Variants in TRAM2 observed in about 807,000 individuals in gnomAD.
The protein encoded by TRAM2 is translocation associated membrane protein 2, also known as translocating chain-associated membrane protein 2.
TRAM2 carries 12 observed loss-of-function variants against 51.0 expected under a neutral mutation model. That is an observed-to-expected ratio of 0.24 (90% CI 0.15 to 0.38). The LOEUF (loss-of-function observed/expected upper bound fraction) is 0.38, where lower values mean the gene tolerates loss of function less well. Among genes scored for constraint, TRAM2 ranks in the 10% least tolerant of loss-of-function variants. The pLI, the probability that TRAM2 is intolerant of heterozygous loss-of-function variation, is 1.00. For missense variants in TRAM2, 361 were observed against 462.0 expected (o/e 0.78, Z 2.00); for synonymous variants, 175 against 179.4 (o/e 0.98, Z 0.20).
At chr6:52,537,596 G>A (rs745423773) in intron 1 of TRAM2, among the ~76,000 whole-genome samples, 2 of 152,000 alleles carry the variant, frequency 1.3e-5, no homozygotes, top group African/African-American at 2.4e-5. Flanking sequence ...TCTGCTTGCC[G>A]GATGCACTCT....
intron 1 of TRAM2, among the ~76,000 whole-genome samples, chr6:52,564,663 A>G (rs1206145533): frequency 6.6e-6 from 1 of 152,098 alleles, no homozygotes; most frequent in Non-Finnish European, 1.5e-5. Context: ...CAGTGACACC[A>G]CCACTCCCTA....
At chr6:52,506,277 A>G in intron 7 of TRAM2, 141 bp from the exon 8 acceptor site, 1 of 720,054 alleles carries the variant, frequency 1.4e-6, no homozygotes, top group South Asian at 1.7e-5. Flanking sequence ...GCTCTGCTCC[A>G]TCCTTTGGAT....
intron 1 of TRAM2, among the ~76,000 whole-genome samples, chr6:52,572,963 T>C (rs1767704740): frequency 6.6e-6 from 1 of 152,122 alleles, no homozygotes; most frequent in Non-Finnish European, 1.5e-5. Flanking sequence ...CAAGAACTCC[T>C]CTGGGTCCCT....
At chr6:52,508,167 C>T in intron 6 of TRAM2, 67 bp downstream of exon 6, 1 of 1,456,436 alleles carries the variant, frequency 6.9e-7, no homozygotes, top group Non-Finnish European at 9.6e-7. Context: ...GGGAGGTACC[C>T]CTGGGAATAG....
At chr6:52,555,607 TA>T (rs1177086745) in intron 1 of TRAM2, among the ~76,000 whole-genome samples, 1 of 152,186 alleles carries the variant, frequency 6.6e-6, no homozygotes, top group Non-Finnish European at 1.5e-5. Flanking sequence ...AAGCTGCTTT[TA>T]AAAAAACCAT....
At position 52,576,928 on chromosome 6, in the gene TRAM2, G is replaced by C; in HGVS notation, c.-13C>G. On this transcript the variant is annotated 5_prime_UTR_variant, in exon 1 of 11. Coordinates refer to ENST00000182527, the MANE Select transcript of TRAM2 (RefSeq NM_012288.4). ...TGCGGAAAGCCATGGCAGCGGGCGC[G>C]CAGCGGCCGGCGGGGCCCGCACCCT... is the stretch of plus-strand genomic sequence containing the variant. The C allele has an allele frequency of 1.9e-6, 3 of 1,603,876 alleles. No homozygotes were observed. The highest frequency in any genetic ancestry group is 1.3e-5 in the African/African-American group (1 of 74,878).
intron 1 of TRAM2, among the ~76,000 whole-genome samples, chr6:52,541,591 T>C (rs1213251531): frequency 6.6e-6 from 1 of 152,186 alleles, no homozygotes; most frequent in East Asian, 1.9e-4. Flanking sequence ...ATCACCTATG[T>C]CTGACAGAGC....
chr6:52,532,953 G>A (rs1046985066), intron 2 of TRAM2, among the ~76,000 whole-genome samples: 10 of 152,028 alleles, frequency 6.6e-5, no homozygotes, highest in Admixed American at 2.0e-4. Flanking sequence ...TCATATAAAT[G>A]TATTTTGAAA....
At chr6:52,510,690 C>A (rs144984367) in intron 4 of TRAM2, among the ~76,000 whole-genome samples, 15 of 152,208 alleles carry the variant, frequency 9.9e-5, no homozygotes, top group African/African-American at 3.4e-4. Context: ...AATCTGCAAC[C>A]TCAGGTTCAC....
chr6:52,505,842 G>C, intron 8 of TRAM2, 100 bp from the exon 9 acceptor site: 5 of 1,495,834 alleles, frequency 3.3e-6, no homozygotes, highest in Non-Finnish European at 4.5e-6. Context: ...GAGGATTCAA[G>C]GGTGGCTGGG....
intron 4 of TRAM2, among the ~76,000 whole-genome samples, chr6:52,515,091 G>T (rs900602889): frequency 1.3e-5 from 2 of 152,228 alleles, no homozygotes; most frequent in Non-Finnish European, 2.9e-5. Context: ...AGAGTTCCTT[G>T]TGATGGGAGC....
intron 1 of TRAM2, among the ~76,000 whole-genome samples, chr6:52,540,880 TAGGA>T (rs777793854): frequency 7.2e-5 from 11 of 152,134 alleles, no homozygotes; most frequent in African/African-American, 9.7e-5. Flanking sequence ...CTGAATTATG[TAGGA>T]AGGGTCACAT....
chr6:52,514,737 T>C (rs1766513032), intron 4 of TRAM2, among the ~76,000 whole-genome samples: 2 of 152,238 alleles, frequency 1.3e-5, no homozygotes, highest in African/African-American at 4.8e-5. Context: ...AACGGCGTCT[T>C]TGGTATCTTG....
At chr6:52,575,902 T>A (rs1208504604) in intron 1 of TRAM2, among the ~76,000 whole-genome samples, 6 of 152,192 alleles carry the variant, frequency 3.9e-5, no homozygotes, top group Non-Finnish European at 8.8e-5. Context: ...ATATCACATT[T>A]TTCTTGCTCT....
At chr6:52,552,508 C>T (rs1389375616) in intron 1 of TRAM2, among the ~76,000 whole-genome samples, 2 of 152,208 alleles carry the variant, frequency 1.3e-5, no homozygotes, top group African/African-American at 4.8e-5. Context: ...AGCCACAAAC[C>T]CGACGGGCTG....
At chr6:52,530,102 C>T (rs913048899) in intron 2 of TRAM2, among the ~76,000 whole-genome samples, 8 of 152,038 alleles carry the variant, frequency 5.3e-5, no homozygotes, top group East Asian at 1.9e-4. Context: ...TAATTTGGGA[C>T]GTAATTATAC....
chr6:52,557,902 A>G (rs1344881685), intron 1 of TRAM2, among the ~76,000 whole-genome samples: 1 of 152,128 alleles, frequency 6.6e-6, no homozygotes, highest in African/African-American at 2.4e-5. Context: ...CATTTTTTAG[A>G]CACAAAATGA....
intron 1 of TRAM2, among the ~76,000 whole-genome samples, chr6:52,575,260 C>T (rs1469019985): frequency 6.6e-6 from 1 of 152,158 alleles, no homozygotes. Context: ...GAAACTGAGG[C>T]TGCAGTCAGT....
chr6:52,575,751 A>T (rs997202142), intron 1 of TRAM2, among the ~76,000 whole-genome samples: 3 of 152,226 alleles, frequency 2.0e-5, no homozygotes, highest in Admixed American at 2.0e-4. Flanking sequence ...AAGCTGACGC[A>T]GAAGGGAGGA....
Sources: gnomAD v4.1 joint callset for allele counts (sites outside exome capture counted in the v4.1 genomes callset) on GRCh38, gnomAD v4.1.1 for gene constraint, MANE v1.5 for transcripts, NCBI Gene and HGNC (gene_info 2026-07-23, HGNC 2026-07-21) for gene names.